NUFIP1: variants seen among roughly 807,000 people sequenced by gnomAD.
NUFIP1 encodes the protein FMR1-interacting protein NUFIP1.
A neutral mutation model predicts 56.2 loss-of-function variants in NUFIP1; 38 were observed. That is an observed-to-expected ratio of 0.68 (90% CI 0.52 to 0.89). The LOEUF is 0.89. NUFIP1 is among the 40% of genes least tolerant of loss of function. The probability of loss-of-function intolerance (pLI) is 0.00; values close to 1 mark genes in which losing one functional copy is unlikely to be tolerated. For synonymous variants in NUFIP1, 215 were observed against 212.4 expected, an observed-to-expected ratio of 1.01 and a Z score of -0.10; for missense variants, 567 against 605.8, an observed-to-expected ratio of 0.94 and a Z score of 0.67.
intron 8 of NUFIP1, among the ~76,000 whole-genome samples, chr13:44,948,082 T>G (rs949649344): frequency 1.3e-5 from 2 of 152,032 alleles, no homozygotes; most frequent in African/African-American, 4.8e-5. Context: ...ACATAAACAT[T>G]GATTATCTCT....
At chr13:44,975,573 G>A (rs1398986953) in intron 5 of NUFIP1, among the ~76,000 whole-genome samples, 1 of 152,076 alleles carries the variant, frequency 6.6e-6, no homozygotes, top group Non-Finnish European at 1.5e-5. Flanking sequence ...TCTTTGTAAA[G>A]CTTCTATTTT....
rs367674177 is a variant in NUFIP1, at chr13:44,941,769, T to A, written c.1372-447A>T. Among the ~76,000 whole-genome samples the A allele has an allele frequency of 2.2e-4, 34 of 152,322 alleles. No individual in the cohort carries two copies. The East Asian group carries it at 6.0e-3, about 27-fold the overall frequency. On this transcript the variant is annotated intron_variant, in intron 9 of 9. Transcript: ENST00000379161. Reference sequence around the variant, plus strand: ...ACCTTGTGATCCACCCGCCTCGGCATCCCAAAGTGCTGGGATTACAGGCGT... The same window carrying A: ...ACCTTGTGATCCACCCGCCTCGGCAACCCAAAGTGCTGGGATTACAGGCGT...
At chr13:44,964,591 G>A (rs1871534103) in intron 6 of NUFIP1, among the ~76,000 whole-genome samples, 2 of 152,186 alleles carry the variant, frequency 1.3e-5, no homozygotes, top group Admixed American at 6.5e-5. Context: ...TAGAGCTTCA[G>A]GATGTACCTG....
chr13:44,941,173 T>A lies in NUFIP1; in HGVS notation c.*33A>T, dbSNP rs767894043. ...CTAACGAGGATGATACTGTTTCACA[T>A]GCTTCAGTTATGTATGCTGAAACAC... On this transcript the variant is annotated 3_prime_UTR_variant, in exon 10 of 10. Transcript: ENST00000379161. The A allele has an allele frequency of 1.8e-6, 2 of 1,086,426 alleles. No individual in the cohort carries two copies. Among genetic ancestry groups the A allele is most frequent in the East Asian group, 4.8e-5 (2 of 41,748 alleles). The allele number at this position is 1,086,426 out of a possible 1,614,324, so 67.3% of individuals were successfully genotyped here.
At position 44,949,801 on chromosome 13, in the gene NUFIP1, T is replaced by G. The variant is rs1871028008; in HGVS notation, c.1059A>C (p.Ile353=). Residue 353 remains isoleucine, a synonymous_variant, in exon 8 of 10, where the codon ATA becomes ATC. Transcript: ENST00000379161. ...DKEEKPQHSV[I]PKEVTPALCS... ...ATAGGGCTGGTGTCACTTCCTTGGG[T>G]ATCACAGAATGTTGTGGTTTCTCCT... 2 of 1,614,014 alleles carry G rather than the reference T, an allele frequency of 1.2e-6. No homozygotes were observed. Among genetic ancestry groups the G allele is most frequent in the African/African-American group, 1.3e-5 (1 of 74,924 alleles).
intron 8 of NUFIP1, among the ~76,000 whole-genome samples, chr13:44,948,828 G>A (rs958266260): frequency 2.8e-4 from 42 of 152,212 alleles, no homozygotes; most frequent in Admixed American, 4.6e-4. Flanking sequence ...CATCTTTAAA[G>A]GTAAGACATG....
At chr13:44,956,226 T>C (rs1257310273) in intron 7 of NUFIP1, among the ~76,000 whole-genome samples, 1 of 151,932 alleles carries the variant, frequency 6.6e-6, no homozygotes, top group Non-Finnish European at 1.5e-5. Context: ...CATCCTTGGC[T>C]GCATGCAGTC....
intron 1 of NUFIP1, among the ~76,000 whole-genome samples, chr13:44,983,009 G>C (rs928285585): frequency 7.2e-5 from 11 of 151,978 alleles, no homozygotes; most frequent in African/African-American, 2.2e-4. Context: ...CCCTGTCTCT[G>C]TCTCTTTTAA....
At chr13:44,985,866 G>A (rs952017884) in intron 1 of NUFIP1, among the ~76,000 whole-genome samples, 5 of 152,138 alleles carry the variant, frequency 3.3e-5, no homozygotes, top group Admixed American at 6.5e-5. Flanking sequence ...ATTTTAAATC[G>A]AAAGCCAGAA....
At chr13:44,946,777 C>A (rs1870914425) in intron 8 of NUFIP1, among the ~76,000 whole-genome samples, 1 of 152,120 alleles carries the variant, frequency 6.6e-6, no homozygotes, top group Admixed American at 6.6e-5. Context: ...GGTAAATAAG[C>A]AGCCTTCTAG....
chr13:44,974,035 G>A (rs1409077723), intron 5 of NUFIP1, among the ~76,000 whole-genome samples: 1 of 152,120 alleles, frequency 6.6e-6, no homozygotes, highest in Non-Finnish European at 1.5e-5. Flanking sequence ...AATAAAATCA[G>A]TTTAACAAAC....
intron 5 of NUFIP1, among the ~76,000 whole-genome samples, chr13:44,966,771 C>T (rs963934665): frequency 5.9e-5 from 9 of 151,566 alleles, no homozygotes; most frequent in Non-Finnish European, 1.2e-4. Flanking sequence ...GTCAGGAGTT[C>T]GAGACCAGCT....
intron 7 of NUFIP1, among the ~76,000 whole-genome samples, chr13:44,951,928 T>A (rs1206044725): frequency 6.6e-6 from 1 of 152,220 alleles, no homozygotes; most frequent in Non-Finnish European, 1.5e-5. Flanking sequence ...TGCTGACTGA[T>A]CAGGGTTGTG....
chr13:44,983,169 T>C (rs1194859642), intron 1 of NUFIP1, among the ~76,000 whole-genome samples: 1 of 151,518 alleles, frequency 6.6e-6, no homozygotes, highest in Non-Finnish European at 1.5e-5. Flanking sequence ...TGTCTCTTAT[T>C]TTATTTTATT....
At chr13:44,984,836 T>A in intron 1 of NUFIP1, among the ~76,000 whole-genome samples, 1 of 152,022 alleles carries the variant, frequency 6.6e-6, no homozygotes, top group Non-Finnish European at 1.5e-5. Flanking sequence ...ATTAGGTATA[T>A]CTCCTAATGC....
intron 7 of NUFIP1, among the ~76,000 whole-genome samples, chr13:44,950,346 C>T (rs1238164988): frequency 6.6e-6 from 1 of 152,118 alleles, no homozygotes; most frequent in African/African-American, 2.4e-5. Context: ...TGGAATTAAT[C>T]CACCCAAAGT....
Position 44,956,059 on chromosome 13 carries a change from T to G in NUFIP1, c.1021+3322A>C, listed in dbSNP as rs7323592. On this transcript the variant is annotated intron_variant, in intron 7 of 9. Transcript: ENST00000379161. The stretch of plus-strand genomic sequence containing the variant: ...TCGGGAGGCTGAGGCAGGAGAATGG[T>G]GTGAACCCCAGGGGGCAGAGCCTGC... Among the ~76,000 whole-genome samples the G allele has an allele frequency of 6.6e-3, 964 of 147,024 alleles. 12 individuals are homozygous for G. Among genetic ancestry groups the G allele is most frequent in the African/African-American group, 0.023 (912 of 39,662 alleles).
At chr13:44,945,665 T>C (rs1199612523) in intron 8 of NUFIP1, among the ~76,000 whole-genome samples, 4 of 152,040 alleles carry the variant, frequency 2.6e-5, no homozygotes, top group Non-Finnish European at 5.9e-5. Flanking sequence ...GTTTGACATT[T>C]GAAAATCAAT....
chr13:44,967,332 A>AC (rs2137911256), intron 5 of NUFIP1, among the ~76,000 whole-genome samples: 1 of 152,038 alleles, frequency 6.6e-6, no homozygotes, highest in South Asian at 2.1e-4. Flanking sequence ...ACACAGTGAA[A>AC]CCCCATCCTA....
Sources: gnomAD v4.1 joint callset for allele counts (sites outside exome capture counted in the v4.1 genomes callset) on GRCh38, gnomAD v4.1.1 for gene constraint, MANE v1.5 for transcripts, NCBI Gene and HGNC (gene_info 2026-07-23, HGNC 2026-07-21) for gene names.